The following FBN2 variants were observed in gnomAD, a reference collection of about 807,000 sequenced individuals.
FBN2 encodes fibrillin-2.
FBN2 carries 105 observed loss-of-function variants against 355.6 expected under a neutral mutation model. That is an observed-to-expected ratio of 0.30 (90% confidence interval 0.25 to 0.35). FBN2 has a LOEUF of 0.35. Ranked by LOEUF, FBN2 falls within the 10% of genes least tolerant of loss-of-function variation. The pLI is 1.00. For missense variants in FBN2, 3,280 were observed against 3,758.7 expected, an observed-to-expected ratio of 0.87 and a Z score of 3.33; for synonymous variants, 1,350 against 1,301.2, an observed-to-expected ratio of 1.04 and a Z score of -0.81.
At chr5:128,481,893 T>C (rs1461992443) in intron 5 of FBN2, among the ~76,000 whole-genome samples, 3 of 152,156 alleles carry the variant, frequency 2.0e-5, no homozygotes, top group Non-Finnish European at 4.4e-5. Flanking sequence ...TTCCCATTCT[T>C]AGGTAATTAC....
At chr5:128,502,325 A>G (rs1355784206) in intron 5 of FBN2, among the ~76,000 whole-genome samples, 2 of 149,348 alleles carry the variant, frequency 1.3e-5, no homozygotes, top group Non-Finnish European at 3.0e-5. Flanking sequence ...AAACTCTTTG[A>G]GCATCCAGGA....
intron 25 of FBN2, among the ~76,000 whole-genome samples, chr5:128,343,533 G>A (rs928367370): frequency 6.6e-6 from 1 of 152,158 alleles, no homozygotes; most frequent in Non-Finnish European, 1.5e-5. Flanking sequence ...TGGAGAATAC[G>A]AACAAAGAGA....
At chr5:128,426,964 C>T (rs1753499457) in intron 7 of FBN2, among the ~76,000 whole-genome samples, 1 of 152,202 alleles carries the variant, frequency 6.6e-6, no homozygotes, top group South Asian at 2.1e-4. Flanking sequence ...AAATGCCTCC[C>T]CTGACTGACT....
chr5:128,504,165 A>G (rs891727686), intron 5 of FBN2, among the ~76,000 whole-genome samples: 9 of 152,134 alleles, frequency 5.9e-5, no homozygotes, highest in African/African-American at 2.2e-4. Context: ...ATTTTAGAGG[A>G]TGTATGCAAA....
In FBN2 at chr5:128,311,867, A is replaced by G; in HGVS notation, c.4948+18T>C. 6.3e-7 allele frequency: 1 copy of G among 1,585,072 alleles called. No homozygotes were observed. Among genetic ancestry groups the G allele is most frequent in the South Asian group, 1.1e-5 (1 of 90,420 alleles). ...TCTTTACCTTGTTTGAATCTGGGTG[A>G]CAATGGGATTAGCTCACCTTCTAAA... On this transcript the variant is annotated intron_variant, in intron 38 of 64. Coordinates refer to ENST00000262464, the MANE Select transcript of FBN2 (RefSeq NM_001999.4).
chr5:128,397,847 A>C (rs1752688495), intron 8 of FBN2, among the ~76,000 whole-genome samples: 1 of 152,108 alleles, frequency 6.6e-6, no homozygotes, highest in Non-Finnish European at 1.5e-5. Flanking sequence ...CCGGGGCATA[A>C]GACATAAAAA....
intron 5 of FBN2, among the ~76,000 whole-genome samples, chr5:128,465,359 G>C (rs331064): frequency 0.7 from 106,032 of 151,920 alleles, 39,092 homozygotes; most frequent in African/African-American, 0.93. Context: ...CACTAAATCC[G>C]AGCTCAGTAC....
At chr5:128,356,185 G>A (rs1347442336) in intron 20 of FBN2, among the ~76,000 whole-genome samples, 3 of 149,856 alleles carry the variant, frequency 2.0e-5, no homozygotes, top group African/African-American at 7.4e-5. Context: ...TAATGCCCCA[G>A]GCAGATGGCA....
intron 7 of FBN2, among the ~76,000 whole-genome samples, chr5:128,412,864 G>C (rs1317656950): frequency 6.6e-6 from 1 of 152,196 alleles, no homozygotes; most frequent in African/African-American, 2.4e-5. Flanking sequence ...ATAGTCCAGG[G>C]ATAAATGTTG....
intron 4 of FBN2, among the ~76,000 whole-genome samples, chr5:128,524,059 C>A (rs1266311355): frequency 2.6e-5 from 4 of 152,022 alleles, no homozygotes; most frequent in Non-Finnish European, 2.9e-5. Flanking sequence ...AAATTTTGTT[C>A]CTTGGCCTAC....
At chr5:128,475,315 G>A (rs1466981057) in intron 5 of FBN2, among the ~76,000 whole-genome samples, 1 of 152,150 alleles carries the variant, frequency 6.6e-6, no homozygotes, top group Non-Finnish European at 1.5e-5. Flanking sequence ...TATTGGTAGT[G>A]AGAAAATTCA....
chr5:128,267,509 C>T (rs1340426497), intron 62 of FBN2, among the ~76,000 whole-genome samples: 1 of 152,092 alleles, frequency 6.6e-6, no homozygotes, highest in Non-Finnish European at 1.5e-5. Flanking sequence ...TTAATAATAG[C>T]CATTCTAACT....
At chr5:128,268,992 C>T (rs1220783888) in intron 62 of FBN2, among the ~76,000 whole-genome samples, 2 of 152,128 alleles carry the variant, frequency 1.3e-5, no homozygotes, top group African/African-American at 4.8e-5. Flanking sequence ...CTTATCACTC[C>T]TATTCAACAT....
intron 36 of FBN2, among the ~76,000 whole-genome samples, chr5:128,316,746 A>T (rs1355815830): frequency 6.6e-6 from 1 of 152,152 alleles, no homozygotes; most frequent in African/African-American, 2.4e-5. Flanking sequence ...TGGATTTCTT[A>T]TTCCTAATGA....
At chr5:128,356,438 T>C (rs1259269712) in intron 20 of FBN2, among the ~76,000 whole-genome samples, 1 of 152,248 alleles carries the variant, frequency 6.6e-6, no homozygotes, top group East Asian at 1.9e-4. Context: ...TTTGGCTAGA[T>C]AATAAAAACT....
rs1756906310 is a variant in FBN2 at position 128,537,974 on chromosome 5, A to G, written c.-371T>C. On this transcript the variant is annotated 5_prime_UTR_variant, in exon 1 of 65. Transcript: ENST00000262464. ...TAAAATTTCAAAAAATGTGAACCTC[A>G]AAAGAAAAAAGGGCCTGCACGCAGA... The G allele has an allele frequency of 3.2e-6, 1 of 308,500 alleles. No homozygotes were observed. The highest frequency in any genetic ancestry group is 4.9e-5 in the Admixed American group (1 of 20,464). The allele number at this position is 308,500 out of a possible 1,614,324, so 19.1% of individuals were successfully genotyped here. A position where few individuals can be genotyped will look rare whatever the true frequency, so the allele number is the denominator to read the frequency against.
chr5:128,277,750 T>G, intron 58 of FBN2, 130 bp downstream of exon 58: 1 of 1,070,006 alleles, frequency 9.3e-7, no homozygotes, highest in Non-Finnish European at 1.4e-6. Context: ...ATTGAGAGGA[T>G]GGCAACATTT....
At chr5:128,478,734 TAGG>T (rs1356091657) in intron 5 of FBN2, among the ~76,000 whole-genome samples, 1 of 152,152 alleles carries the variant, frequency 6.6e-6, no homozygotes, top group Non-Finnish European at 1.5e-5. Flanking sequence ...TACAGAACAC[TAGG>T]AGAACTATGC....
At position 128,277,882 on chromosome 5, in the gene FBN2, A is replaced by C. The variant is rs1016476735; in HGVS notation, c.7469T>G (p.Ile2490Arg). ...GATATAGAGGTGCCCATCGTTACCT[A>C]TACAAGAGGTTCCACTGATGTCTGT... ...YTTDISGTSCIDLDECSQSPK... is the reference protein window; with the variant it reads ...YTTDISGTSCRDLDECSQSPK... Residue 2490 changes from isoleucine to arginine, a missense_variant and splice_region_variant, in exon 58 of 65, where the codon ATA (isoleucine) becomes AGA (arginine). Ile to Arg is a moderately conservative substitution (Grantham distance 97). Coordinates refer to ENST00000262464, the MANE Select transcript of FBN2 (RefSeq NM_001999.4). 2 of 1,614,004 alleles carry C rather than the reference A, an allele frequency of 1.2e-6. No individual in the cohort carries two copies. Among genetic ancestry groups the C allele is most frequent in the African/African-American group, 1.3e-5 (1 of 74,924 alleles).
Sources: allele counts gnomAD v4.1 joint callset (sites outside exome capture counted in the v4.1 genomes callset), GRCh38; gene constraint gnomAD v4.1.1; transcripts MANE v1.5; gene names NCBI Gene and HGNC (gene_info 2026-07-23, HGNC 2026-07-21).